Variants in GLIS3 observed in about 807,000 individuals in gnomAD.
GLIS3 encodes the protein GLIS family zinc finger 3.
GLIS3 carries 53 observed loss-of-function variants against 78.6 expected under a neutral mutation model. That is an observed-to-expected ratio of 0.67 (90% CI 0.54 to 0.85). The LOEUF (loss-of-function observed/expected upper bound fraction) is 0.85, where lower values mean the gene tolerates loss of function less well. Ranked by LOEUF, GLIS3 falls within the 40% of genes least tolerant of loss-of-function variation. GLIS3 has a pLI of 0.00. For synonymous variants in GLIS3, 684 were observed against 509.9 expected (o/e 1.34, Z -4.60); for missense variants, 1,703 against 1,231.1 (o/e 1.38, Z -5.74).
chr9:3,845,238 C>T (rs1818957123), intron 9 of GLIS3, among the ~76,000 whole-genome samples: 1 of 152,080 alleles, frequency 6.6e-6, no homozygotes, highest in Non-Finnish European at 1.5e-5. Context: ...TAAGAAGACT[C>T]TATATGCAAT....
chr9:4,380,810 G>C, the GLIS3 span, among the ~76,000 whole-genome samples: 1 of 152,186 alleles, frequency 6.6e-6, no homozygotes, highest in African/African-American at 2.4e-5. Context: ...TTTGGGATGG[G>C]AGATGCAAGA....
At chr9:4,007,676 A>C (rs1821663758) in intron 4 of GLIS3, among the ~76,000 whole-genome samples, 1 of 152,204 alleles carries the variant, frequency 6.6e-6, no homozygotes, top group African/African-American at 2.4e-5. Flanking sequence ...TTTTGTAGGC[A>C]CACATGGGCA....
intron 2 of GLIS3, among the ~76,000 whole-genome samples, chr9:4,195,796 C>G (rs1389781220): frequency 6.6e-6 from 1 of 152,222 alleles, no homozygotes; most frequent in East Asian, 1.9e-4. Context: ...TGTGGATGCA[C>G]CAACAGGCAC....
chr9:4,469,121 C>A, the GLIS3 span, among the ~76,000 whole-genome samples: 1 of 152,148 alleles, frequency 6.6e-6, no homozygotes, highest in African/African-American at 2.4e-5. Context: ...TATGGGAGCA[C>A]CCAGATTCAT....
At chr9:4,241,741 AGC>A (rs1823338856) in intron 2 of GLIS3, among the ~76,000 whole-genome samples, 1 of 152,138 alleles carries the variant, frequency 6.6e-6, no homozygotes, top group Non-Finnish European at 1.5e-5. Flanking sequence ...GGAATGCAGC[AGC>A]GTGATCTTGG....
chr9:4,468,420 G>C, the GLIS3 span, among the ~76,000 whole-genome samples: 97 of 152,328 alleles, frequency 6.4e-4, 3 homozygotes, highest in South Asian at 0.019. Flanking sequence ...AAGTCCATCA[G>C]ACTAACAGCA....
the GLIS3 span, among the ~76,000 whole-genome samples, chr9:4,393,927 C>T: frequency 4.6e-5 from 7 of 151,996 alleles, no homozygotes; most frequent in Non-Finnish European, 1.0e-4. Flanking sequence ...ACCTTTATGA[C>T]CCAGTGGGCC....
intron 4 of GLIS3, among the ~76,000 whole-genome samples, chr9:3,986,182 C>T (rs556358587): frequency 6.6e-6 from 1 of 152,316 alleles, no homozygotes; most frequent in African/African-American, 2.4e-5. Flanking sequence ...TGCAGGCATG[C>T]ACTTTCTCCA....
At chr9:3,936,301 C>T (rs662234) in intron 5 of GLIS3, among the ~76,000 whole-genome samples, 34,148 of 152,020 alleles carry the variant, frequency 0.22, 3,971 homozygotes, top group African/African-American at 0.26. Flanking sequence ...GGGCTATCAA[C>T]ATAATTGAGA....
At chr9:4,125,437 G>T (rs550574469) in intron 3 of GLIS3, among the ~76,000 whole-genome samples, 37 of 152,206 alleles carry the variant, frequency 2.4e-4, no homozygotes, top group Non-Finnish European at 5.1e-4. Context: ...ACCAGAAATT[G>T]ACAAATTTAC....
intron 4 of GLIS3, among the ~76,000 whole-genome samples, chr9:4,111,102 A>G (rs1042036155): frequency 2.0e-5 from 3 of 152,220 alleles, no homozygotes; most frequent in Non-Finnish European, 4.4e-5. Context: ...CTATATACAA[A>G]CAAATCTCCA....
At chr9:4,313,998 G>A (rs1053389694) in intron 2 of GLIS3, among the ~76,000 whole-genome samples, 1 of 152,212 alleles carries the variant, frequency 6.6e-6, no homozygotes, top group Non-Finnish European at 1.5e-5. Flanking sequence ...GTAGTTGAGA[G>A]ATGGCGTTAC....
At chr9:4,160,999 TTAA>T (rs148409333) in intron 2 of GLIS3, among the ~76,000 whole-genome samples, 5,949 of 151,026 alleles carry the variant, frequency 0.039, 376 homozygotes, top group African/African-American at 0.14. Context: ...ATCCCAGCAC[TTAA>T]GAAGGCTAAG....
At chr9:4,114,176 A>G (rs768188966) in intron 4 of GLIS3, among the ~76,000 whole-genome samples, 19 of 152,122 alleles carry the variant, frequency 1.2e-4, no homozygotes, top group Non-Finnish European at 2.4e-4. Context: ...AGCCTTTCTC[A>G]TGAGAAGCAC....
intron 4 of GLIS3, among the ~76,000 whole-genome samples, chr9:4,024,262 T>C (rs1823126893): frequency 6.6e-6 from 1 of 152,228 alleles, no homozygotes; most frequent in Non-Finnish European, 1.5e-5. Flanking sequence ...AAAGGAAGTT[T>C]ATCCAAAGTG....
intron 2 of GLIS3, among the ~76,000 whole-genome samples, chr9:4,270,451 T>C (rs555563292): frequency 5.3e-5 from 8 of 152,256 alleles, no homozygotes; most frequent in East Asian, 3.9e-4. Context: ...TAGGATGTAA[T>C]TGAGTTGTCA....
intron 2 of GLIS3, among the ~76,000 whole-genome samples, chr9:4,327,481 C>T (rs1817618348): frequency 6.6e-6 from 1 of 152,030 alleles, no homozygotes; most frequent in Non-Finnish European, 1.5e-5. Flanking sequence ...TAGGGAAGTC[C>T]TGGAGCAGAG....
At chr9:4,273,398 C>G (rs1456467550) in intron 2 of GLIS3, among the ~76,000 whole-genome samples, 1 of 151,884 alleles carries the variant, frequency 6.6e-6, no homozygotes, top group Non-Finnish European at 1.5e-5. Context: ...AATTCCAGAC[C>G]AGCCTGGAAA....
intron 2 of GLIS3, among the ~76,000 whole-genome samples, chr9:4,320,006 T>C (rs1587383752): frequency 1.8e-5 from 1 of 55,442 alleles, no homozygotes; most frequent in Admixed American, 1.8e-4. Flanking sequence ...TGTGTGTGTG[T>C]GTGTGTGTGT....
Sources: allele counts gnomAD v4.1 joint callset (sites outside exome capture counted in the v4.1 genomes callset), GRCh38; gene constraint gnomAD v4.1.1; transcripts MANE v1.5; gene names NCBI Gene and HGNC (gene_info 2026-07-23, HGNC 2026-07-21).